Variants in PCDH11X observed in about 807,000 individuals in gnomAD.
PCDH11X encodes the protein protocadherin-11 X-linked.
In PCDH11X, 18 loss-of-function variants were observed where a neutral mutation model predicts 53.3. The ratio of observed to expected loss-of-function variants is 0.34; its 90% CI spans 0.23 to 0.50. The LOEUF (loss-of-function observed/expected upper bound fraction) is 0.50, where lower values mean the gene tolerates loss of function less well. Ranked by LOEUF, PCDH11X falls within the 20% of genes least tolerant of loss-of-function variation. The pLI, the probability that PCDH11X is intolerant of heterozygous loss-of-function variation, is 0.98. For synonymous variants in PCDH11X, 279 were observed against 393.3 expected (o/e 0.71, Z 3.44); for missense variants, 570 against 1,032.4 (o/e 0.55, Z 6.14).
intron 10 of PCDH11X, among the ~76,000 whole-genome samples, chrX:92,612,248 A>C: frequency 9.0e-6 from 1 of 110,790 alleles, no homozygotes; most frequent in East Asian, 2.8e-4. Context: ...TTTGTTTGGT[A>C]GTTTTTAAAA....
intron 1 of PCDH11X, chrX:91,798,283 C>G (rs1013129927): frequency 9.0e-6 from 1 of 110,861 alleles, no homozygotes; most frequent in Non-Finnish European, 1.9e-5. Flanking sequence ...GTGTTCCCCT[C>G]GGGGGTTAAA....
intron 8 of PCDH11X, among the ~76,000 whole-genome samples, chrX:92,276,708 A>G (rs1327093423): frequency 9.0e-6 from 1 of 111,575 alleles, no homozygotes; most frequent in African/African-American, 3.3e-5. Flanking sequence ...GTGGGGTTTG[A>G]CGGCCAGATT....
At position 92,084,235 on chromosome X, in the gene PCDH11X, A is replaced by T. The variant is rs185504664; in HGVS notation, c.3034-117140A>T. Among the ~76,000 whole-genome samples the T allele has an allele frequency of 7.5e-4, 83 of 111,074 alleles. 1 individual carries two copies. The highest frequency in any genetic ancestry group is 1.5e-3 in the Non-Finnish European group (79 of 52,981). The stretch of plus-strand genomic sequence containing the variant: ...TTGTTAAGCTCACCGTTTTAGTAAT[A>T]GTCTAGTTTTTGAAAATTTGGAAGA... On this transcript the variant is annotated intron_variant, in intron 6 of 10. Coordinates refer to ENST00000682573, the MANE Select transcript of PCDH11X (RefSeq NM_032968.5).
Position 92,402,626 on chromosome X carries a change from C to A in PCDH11X, c.3343+14693C>A, listed in dbSNP as rs1418083022. Among the ~76,000 whole-genome samples the A allele has an allele frequency of 2.7e-5, 3 of 111,688 alleles. No homozygotes were observed. The East Asian group carries it at 8.4e-4, about 31-fold the overall frequency. On this transcript the variant is annotated intron_variant, in intron 9 of 10. Transcript: ENST00000682573. Reference sequence around the variant, plus strand: ...GCTTCCTTACACCGTATACAAAAATCAACACAAGATGGGTTAAAGATTTAA... The same window carrying A: ...GCTTCCTTACACCGTATACAAAAATAAACACAAGATGGGTTAAAGATTTAA...
intron 6 of PCDH11X, among the ~76,000 whole-genome samples, chrX:92,094,171 G>A (rs868331741): frequency 1.5e-5 from 1 of 65,200 alleles, no homozygotes; most frequent in African/African-American, 6.7e-5. Flanking sequence ...GTGTGTGTGT[G>A]TGTGTATATA....
At chrX:92,420,730 T>C (rs1351312041) in intron 9 of PCDH11X, among the ~76,000 whole-genome samples, 1 of 111,911 alleles carries the variant, frequency 8.9e-6, no homozygotes, top group Non-Finnish European at 1.9e-5. Flanking sequence ...TAATATTTTC[T>C]TTCTCTATTG....
intron 5 of PCDH11X, among the ~76,000 whole-genome samples, chrX:91,866,793 T>C (rs1322187280): frequency 9.0e-6 from 1 of 111,378 alleles, no homozygotes; most frequent in Non-Finnish European, 1.9e-5. Context: ...GGATGATCAA[T>C]GGAAGCTTCT....
intron 6 of PCDH11X, among the ~76,000 whole-genome samples, chrX:92,061,038 A>G (rs2063516631): frequency 8.9e-6 from 1 of 111,822 alleles, no homozygotes; most frequent in East Asian, 2.8e-4. Flanking sequence ...GGCATGCAAT[A>G]GTATCTCATT....
intron 7 of PCDH11X, among the ~76,000 whole-genome samples, chrX:92,212,240 A>C (rs67086107): frequency 9.0e-6 from 1 of 111,150 alleles, no homozygotes; most frequent in African/African-American, 3.3e-5. Flanking sequence ...TCAAACTACT[A>C]GCCTCAAGTA....
intron 6 of PCDH11X, among the ~76,000 whole-genome samples, chrX:91,994,632 T>G (rs766567033): frequency 9.4e-6 from 1 of 106,526 alleles, no homozygotes; most frequent in South Asian, 4.3e-4. Context: ...CCCATTAGCA[T>G]GGTGATTTAA....
intron 9 of PCDH11X, among the ~76,000 whole-genome samples, chrX:92,410,687 G>T (rs2071625303): frequency 9.6e-6 from 1 of 103,764 alleles, no homozygotes; most frequent in Admixed American, 1.0e-4. Context: ...AGAAACTCAA[G>T]CATAATATTT....
At chrX:92,582,292 G>T (rs1246565538) in intron 10 of PCDH11X, among the ~76,000 whole-genome samples, 1 of 103,883 alleles carries the variant, frequency 9.6e-6, no homozygotes, top group Non-Finnish European at 2.0e-5. Flanking sequence ...AAAAAAATAG[G>T]TTTGTGGTCC....
intron 7 of PCDH11X, among the ~76,000 whole-genome samples, chrX:92,217,233 C>T (rs1034997256): frequency 2.7e-5 from 3 of 110,960 alleles, no homozygotes; most frequent in African/African-American, 6.5e-5. Flanking sequence ...GGACTAAATG[C>T]TCCAATTAAA....
At chrX:92,539,416 C>T (rs2074719510) in intron 10 of PCDH11X, among the ~76,000 whole-genome samples, 1 of 111,755 alleles carries the variant, frequency 8.9e-6, no homozygotes, top group South Asian at 3.7e-4. Context: ...TTGCATTAAT[C>T]AGCTCTAGAA....
chrX:92,187,151 C>T (rs1485414386), intron 6 of PCDH11X, among the ~76,000 whole-genome samples: 1 of 111,459 alleles, frequency 9.0e-6, no homozygotes, highest in African/African-American at 3.3e-5. Context: ...CATCCCAAAT[C>T]AGTCTAATGA....
intron 7 of PCDH11X, among the ~76,000 whole-genome samples, chrX:92,206,533 T>A (rs1372771538): frequency 1.4e-4 from 16 of 110,791 alleles, no homozygotes; most frequent in African/African-American, 3.0e-4. Flanking sequence ...AATTTAATTT[T>A]ATTTTTTTTT....
At chrX:92,114,433 C>T in intron 6 of PCDH11X, 1 of 849,766 alleles carries the variant, frequency 1.2e-6, no homozygotes. Flanking sequence ...GCCATTGTCT[C>T]TGGATCAGGA....
At chrX:91,802,627 G>C (rs1339431697) in intron 1 of PCDH11X, among the ~76,000 whole-genome samples, 2 of 111,530 alleles carry the variant, frequency 1.8e-5, no homozygotes, top group African/African-American at 6.5e-5. Flanking sequence ...TTGATGTAGT[G>C]ATTTGTATGG....
intron 6 of PCDH11X, among the ~76,000 whole-genome samples, chrX:92,037,179 A>G (rs746513675): frequency 9.0e-6 from 1 of 110,869 alleles, no homozygotes; most frequent in Non-Finnish European, 1.9e-5. Context: ...CGCATGCATT[A>G]GCTATTTGTC....
Sources: gnomAD v4.1 joint callset for allele counts (sites outside exome capture counted in the v4.1 genomes callset) on GRCh38, gnomAD v4.1.1 for gene constraint, MANE v1.5 for transcripts, NCBI Gene and HGNC (gene_info 2026-07-23, HGNC 2026-07-21) for gene names.